CTNND2: variants seen among roughly 807,000 people sequenced by gnomAD.
The protein encoded by CTNND2 is catenin delta 2, also known as catenin delta-2.
A neutral mutation model predicts 144.4 loss-of-function variants in CTNND2; 22 were observed. The observed-to-expected ratio is 0.15, with a 90% CI of 0.11 to 0.22. The LOEUF is 0.22. Among genes scored for constraint, CTNND2 ranks in the 10% least tolerant of loss-of-function variants. The pLI is 1.00. For missense variants in CTNND2, 1,353 were observed against 1,618.8 expected, an observed-to-expected ratio of 0.84 and a Z score of 2.82; for synonymous variants, 751 against 695.6, an observed-to-expected ratio of 1.08 and a Z score of -1.25.
intron 10 of CTNND2, among the ~76,000 whole-genome samples, chr5:11,204,121 G>A (rs1351024907): frequency 6.6e-6 from 1 of 152,242 alleles, no homozygotes. Context: ...TCTACAAGGA[G>A]TAAGGGAGGT....
chr5:11,636,284 A>G (rs1320651885), intron 2 of CTNND2, among the ~76,000 whole-genome samples: 1 of 152,108 alleles, frequency 6.6e-6, no homozygotes, highest in East Asian at 1.9e-4. Context: ...CTCCAGAATC[A>G]TTGTTCAGTA....
intron 1 of CTNND2, among the ~76,000 whole-genome samples, chr5:11,794,413 G>A (rs193201535): frequency 1.3e-5 from 2 of 152,294 alleles, no homozygotes; most frequent in East Asian, 3.9e-4. Context: ...GTGATAAATT[G>A]TGTGCGCAGA....
chr5:11,083,851 G>A, intron 15 of CTNND2: 1 of 1,080,446 alleles, frequency 9.3e-7, no homozygotes, highest in Non-Finnish European at 1.1e-6. Flanking sequence ...CTTCCCCCAT[G>A]GGGGCAGGCA....
intron 1 of CTNND2, among the ~76,000 whole-genome samples, chr5:11,819,505 A>G (rs1793199311): frequency 6.6e-6 from 1 of 152,170 alleles, no homozygotes; most frequent in African/African-American, 2.4e-5. Context: ...CAAAACCTTA[A>G]GTAATTTTCT....
intron 1 of CTNND2, among the ~76,000 whole-genome samples, chr5:11,740,267 T>C (rs1787927022): frequency 6.6e-6 from 1 of 152,162 alleles, no homozygotes; most frequent in African/African-American, 2.4e-5. Flanking sequence ...GCTGGAGGCA[T>C]CACACTACCT....
intron 3 of CTNND2, among the ~76,000 whole-genome samples, chr5:11,434,443 A>G (rs1763577723): frequency 1.3e-5 from 2 of 152,214 alleles, no homozygotes; most frequent in African/African-American, 4.8e-5. Flanking sequence ...ATTTGTCAAA[A>G]TTTGTTGAGT....
At chr5:11,015,635 G>A (rs1203927221) in intron 18 of CTNND2, among the ~76,000 whole-genome samples, 2 of 152,194 alleles carry the variant, frequency 1.3e-5, no homozygotes, top group Non-Finnish European at 1.5e-5. Flanking sequence ...GAAAGAGCCT[G>A]GAGAGTGTCT....
rs376090833 is a variant in CTNND2, at chr5:11,023,016, T to C, written c.2789-37A>G. 3.3e-4 allele frequency: 533 copies of C among 1,594,232 alleles called. 2 individuals carry two copies. Among genetic ancestry groups the C allele is most frequent in the Non-Finnish European group, 4.3e-4 (502 of 1,163,222 alleles). On this transcript the variant is annotated intron_variant, in intron 16 of 21. Coordinates refer to ENST00000304623, the MANE Select transcript of CTNND2 (RefSeq NM_001332.4). ...AATAAAGAGAAGAGTTGAAAGGAGG[T>C]CAAGGTGAAGGCAGAGATAGTGGCA... is the stretch of plus-strand genomic sequence containing the variant.
At chr5:11,502,027 C>CAAA (rs547364682) in intron 3 of CTNND2, among the ~76,000 whole-genome samples, 1 of 57,216 alleles carries the variant, frequency 1.7e-5, no homozygotes. Flanking sequence ...GACTCCATCT[C>CAAA]AAAAAAAAAA....
chr5:11,076,745 A>T (rs1044715367), intron 16 of CTNND2, among the ~76,000 whole-genome samples: 1 of 152,186 alleles, frequency 6.6e-6, no homozygotes, highest in Non-Finnish European at 1.5e-5. Context: ...ACCTCATGGG[A>T]TAGGGTGATT....
chr5:11,308,607 A>C (rs939337672), intron 9 of CTNND2, among the ~76,000 whole-genome samples: 4 of 152,238 alleles, frequency 2.6e-5, no homozygotes, highest in African/African-American at 9.6e-5. Flanking sequence ...ACAAAACTTG[A>C]AGTCTATTAA....
At chr5:11,555,927 T>G (rs545219492) in intron 3 of CTNND2, among the ~76,000 whole-genome samples, 2 of 152,286 alleles carry the variant, frequency 1.3e-5, no homozygotes, top group Non-Finnish European at 2.9e-5. Context: ...TTTGTTCTTC[T>G]GGTTTTGTAG....
intron 1 of CTNND2, among the ~76,000 whole-genome samples, chr5:11,776,824 T>A (rs1348364843): frequency 6.6e-6 from 1 of 152,226 alleles, no homozygotes; most frequent in East Asian, 1.9e-4. Flanking sequence ...GATAGAAATA[T>A]TTTATTGTTA....
chr5:11,848,047 T>C (rs1185392026), intron 1 of CTNND2, among the ~76,000 whole-genome samples: 3 of 152,226 alleles, frequency 2.0e-5, no homozygotes, highest in East Asian at 1.9e-4. Flanking sequence ...TAAATTCCTA[T>C]AGTAACAATT....
chr5:11,465,060 C>A (rs1179305594), intron 3 of CTNND2, among the ~76,000 whole-genome samples: 1 of 152,130 alleles, frequency 6.6e-6, no homozygotes. Flanking sequence ...AAGATTTTCT[C>A]TTTAGACTTC....
chr5:11,362,993 T>C (rs751037878), intron 8 of CTNND2, among the ~76,000 whole-genome samples: 4 of 152,242 alleles, frequency 2.6e-5, no homozygotes, highest in Non-Finnish European at 4.4e-5. Flanking sequence ...GATACTGAAG[T>C]TTGAATTTCA....
At chr5:11,366,501 T>C (rs1756991395) in intron 7 of CTNND2, among the ~76,000 whole-genome samples, 2 of 152,152 alleles carry the variant, frequency 1.3e-5, no homozygotes, top group East Asian at 3.9e-4. Context: ...TCAAAGTAAC[T>C]GTTTTGCATA....
chr5:11,034,572 CAAT>C (rs1212377915), intron 16 of CTNND2, among the ~76,000 whole-genome samples: 1 of 152,138 alleles, frequency 6.6e-6, no homozygotes, highest in Non-Finnish European at 1.5e-5. Context: ...AATACAAAAA[CAAT>C]ATATCAGACT....
At chr5:11,141,259 A>C (rs1756693424) in intron 12 of CTNND2, among the ~76,000 whole-genome samples, 1 of 152,112 alleles carries the variant, frequency 6.6e-6, no homozygotes, top group Non-Finnish European at 1.5e-5. Flanking sequence ...CAGCTGTTTG[A>C]TTACTTTTTA....
Sources: allele counts gnomAD v4.1 joint callset (sites outside exome capture counted in the v4.1 genomes callset), GRCh38; gene constraint gnomAD v4.1.1; transcripts MANE v1.5; gene names NCBI Gene and HGNC (gene_info 2026-07-23, HGNC 2026-07-21).